The following ARL3 variants were observed in gnomAD, a reference collection of about 807,000 sequenced individuals.
The protein encoded by ARL3 is ARF like GTPase 3.
A neutral mutation model predicts 26.0 loss-of-function variants in ARL3; 9 were observed. That is an observed-to-expected ratio of 0.35 (90% CI 0.21 to 0.60). ARL3 has a LOEUF of 0.60. Ranked by LOEUF, ARL3 falls within the 20% of genes least tolerant of loss-of-function variation. The probability of loss-of-function intolerance (pLI) is 0.78; values close to 1 mark genes in which losing one functional copy is unlikely to be tolerated. For synonymous variants in ARL3, 71 were observed against 78.4 expected (o/e 0.91, Z 0.50); for missense variants, 158 against 215.7 (o/e 0.73, Z 1.67).
intron 4 of ARL3, among the ~76,000 whole-genome samples, chr10:102,686,967 C>T (rs1281842142): frequency 7.0e-6 from 1 of 142,348 alleles, no homozygotes; most frequent in Admixed American, 7.6e-5. Context: ...CCTCCGCCTC[C>T]CGGGTTCAAG....
chr10:102,694,325 A>C (rs1017507149), intron 3 of ARL3, among the ~76,000 whole-genome samples: 3 of 152,034 alleles, frequency 2.0e-5, no homozygotes, highest in Non-Finnish European at 4.4e-5. Flanking sequence ...AGTCCAATTT[A>C]TTTCTTTCAT....
chr10:102,707,556 T>C (rs2064316253), intron 1 of ARL3, among the ~76,000 whole-genome samples: 1 of 152,230 alleles, frequency 6.6e-6, no homozygotes, highest in South Asian at 2.1e-4. Flanking sequence ...ATGGTTGTAT[T>C]TGTTATTCAC....
chr10:102,689,075 C>T (rs2064202885), intron 4 of ARL3, among the ~76,000 whole-genome samples: 1 of 152,160 alleles, frequency 6.6e-6, no homozygotes, highest in Non-Finnish European at 1.5e-5. Flanking sequence ...GTAATCCCAG[C>T]ACTTTGGGAG....
intron 1 of ARL3, among the ~76,000 whole-genome samples, chr10:102,708,174 T>C (rs1178999151): frequency 5.3e-5 from 8 of 152,060 alleles, no homozygotes; most frequent in Non-Finnish European, 1.2e-4. Context: ...GGCAAGATTT[T>C]TTTTTTTGCT....
chr10:102,679,946 C>G (rs1056512987), intron 5 of ARL3, among the ~76,000 whole-genome samples: 8 of 152,096 alleles, frequency 5.3e-5, no homozygotes, highest in Admixed American at 2.0e-4. Context: ...CTTGCTTTCA[C>G]CTGGCAAGGA....
chr10:102,698,294 G>A (rs1166257773), intron 3 of ARL3, among the ~76,000 whole-genome samples: 1 of 151,630 alleles, frequency 6.6e-6, no homozygotes, highest in Non-Finnish European at 1.5e-5. Context: ...TGCAACCTCC[G>A]CCTCCTGGGC....
intron 4 of ARL3, 39 bp downstream of exon 4, chr10:102,689,854 A>G (rs1198913881): frequency 3.8e-6 from 5 of 1,329,346 alleles, no homozygotes; most frequent in African/African-American, 1.5e-5. Context: ...ACATACATAT[A>G]TATATATAAG....
intron 2 of ARL3, among the ~76,000 whole-genome samples, chr10:102,700,383 T>C (rs931288599): frequency 2.8e-5 from 3 of 105,932 alleles, no homozygotes; most frequent in East Asian, 6.2e-4. Context: ...CACTCTGGCC[T>C]GGGCGACAGA....
chr10:102,681,292 T>C (rs1236512363), intron 5 of ARL3, among the ~76,000 whole-genome samples: 1 of 150,586 alleles, frequency 6.6e-6, no homozygotes, highest in Admixed American at 6.7e-5. Context: ...CTCGGGAGGC[T>C]GAGGCAGGAG....
At chr10:102,688,499 CTTTTT>C (rs61629496) in intron 4 of ARL3, among the ~76,000 whole-genome samples, 5 of 92,174 alleles carry the variant, frequency 5.4e-5, no homozygotes, top group Admixed American at 2.3e-4. Context: ...TTTTAAAAAA[CTTTTT>C]TTTTTTTTTT....
intron 3 of ARL3, among the ~76,000 whole-genome samples, chr10:102,696,267 ATT>A (rs370113114): frequency 8.2e-5 from 11 of 133,568 alleles, no homozygotes; most frequent in Admixed American, 7.8e-5. Flanking sequence ...CCTGGCCAAC[ATT>A]TTTTTTTTTT....
chr10:102,694,835 T>C (rs1302804815), intron 3 of ARL3, among the ~76,000 whole-genome samples: 3 of 152,050 alleles, frequency 2.0e-5, no homozygotes, highest in Non-Finnish European at 4.4e-5. Flanking sequence ...TCTCCTGTCT[T>C]AGCCTCCCGA....
At position 102,676,728 on chromosome 10, in the gene ARL3, A is replaced by T. The variant is rs2064132546; in HGVS notation, c.*166T>A. ...GATACTGAACCTCAGAGATCAGTTA[A>T]ATCTACTGCTGGAATGGGGATTCTT... is the stretch of plus-strand genomic sequence containing the variant. On this transcript the variant is annotated 3_prime_UTR_variant, in exon 6 of 6. Coordinates refer to ENST00000260746, the MANE Select transcript of ARL3 (RefSeq NM_004311.4). The T allele has an allele frequency of 1.5e-6, 1 of 669,640 alleles. No individual in the cohort carries two copies. The highest frequency in any genetic ancestry group is 2.6e-6 in the Non-Finnish European group (1 of 381,834). 41.5% of individuals were successfully genotyped at this position (669,640 alleles called of 1,614,324 possible). A position where few individuals can be genotyped will look rare whatever the true frequency, so the allele number is the denominator to read the frequency against.
chr10:102,681,114 G>A (rs981182249), intron 5 of ARL3, among the ~76,000 whole-genome samples: 3 of 152,170 alleles, frequency 2.0e-5, no homozygotes, highest in African/African-American at 4.8e-5. Context: ...CAGGCCAGGC[G>A]TGGTGGCTCA....
In ARL3 at chr10:102,678,433, G is replaced by A. The variant is rs531869010; in HGVS notation, c.502-1492C>T. On this transcript the variant is annotated intron_variant, in intron 5 of 5. Transcript: ENST00000260746. Reference sequence around the variant, plus strand: ...TTCCAGGAAAAAAAAAAGATCACCTGTCAAGAGACAAAAAAGATTTTACAA... The same window carrying A: ...TTCCAGGAAAAAAAAAAGATCACCTATCAAGAGACAAAAAAGATTTTACAA... Among the ~76,000 whole-genome samples the A allele has an allele frequency of 1.2e-3, 190 of 152,196 alleles. 1 individual carries two copies. The highest frequency in any genetic ancestry group is 2.4e-3 in the Admixed American group (37 of 15,274).
chr10:102,710,357 G>T (rs1399722971), intron 1 of ARL3, among the ~76,000 whole-genome samples: 1 of 152,184 alleles, frequency 6.6e-6, no homozygotes, highest in Non-Finnish European at 1.5e-5. Flanking sequence ...TCAGGGTTCT[G>T]CCTGAAAGGT....
At chr10:102,683,434 C>T (rs951576287) in intron 5 of ARL3, among the ~76,000 whole-genome samples, 52 of 152,216 alleles carry the variant, frequency 3.4e-4, no homozygotes, top group African/African-American at 1.2e-3. Context: ...CAATTCTATA[C>T]ACCATGGTAC....
chr10:102,682,994 G>A (rs1018310434), intron 5 of ARL3, among the ~76,000 whole-genome samples: 4 of 152,106 alleles, frequency 2.6e-5, no homozygotes, highest in East Asian at 1.9e-4. Context: ...CAAACCATTC[G>A]ATCTTTATTG....
chr10:102,700,802 C>T (rs2064276514), intron 2 of ARL3, among the ~76,000 whole-genome samples: 1 of 111,552 alleles, frequency 9.0e-6, no homozygotes, highest in Non-Finnish European at 1.7e-5. Context: ...CAGAGTTGTG[C>T]TCTCGGCTCA....
Sources: gnomAD v4.1 joint callset for allele counts (sites outside exome capture counted in the v4.1 genomes callset) on GRCh38, gnomAD v4.1.1 for gene constraint, MANE v1.5 for transcripts, NCBI Gene and HGNC (gene_info 2026-07-23, HGNC 2026-07-21) for gene names.